Variants in HHIP observed in about 807,000 individuals in gnomAD.
HHIP encodes hedgehog-interacting protein.
In HHIP, 12 loss-of-function variants were observed where a neutral mutation model predicts 74.0. The observed-to-expected ratio is 0.16, with a 90% CI of 0.10 to 0.26. The LOEUF is 0.26. HHIP is among the 10% of genes least tolerant of loss of function. The probability of loss-of-function intolerance (pLI) is 1.00; values close to 1 mark genes in which losing one functional copy is unlikely to be tolerated. For missense variants in HHIP, 788 were observed against 845.0 expected, an observed-to-expected ratio of 0.93 and a Z score of 0.84; for synonymous variants, 309 against 311.6, an observed-to-expected ratio of 0.99 and a Z score of 0.09.
chr4:144,699,848 A>G (rs1729927913), intron 4 of HHIP, among the ~76,000 whole-genome samples: 1 of 152,040 alleles, frequency 6.6e-6, no homozygotes, highest in East Asian at 1.9e-4. Flanking sequence ...TCTGAGACCA[A>G]TTTAGACTTT....
At chr4:144,683,053 A>G (rs1729389039) in intron 4 of HHIP, among the ~76,000 whole-genome samples, 1 of 152,238 alleles carries the variant, frequency 6.6e-6, no homozygotes, top group Non-Finnish European at 1.5e-5. Flanking sequence ...CTCTGGTTTT[A>G]TAATCTTGCC....
chr4:144,716,054 T>C (rs936017954), intron 10 of HHIP, among the ~76,000 whole-genome samples: 1 of 152,208 alleles, frequency 6.6e-6, no homozygotes, highest in Admixed American at 6.5e-5. Flanking sequence ...AATTGAAATA[T>C]GATCAGTGAG....
rs760524618 is a variant in HHIP at position 144,734,812 on chromosome 4, T to G, written c.1832T>G (p.Leu611Arg). The change falls in exon 12 of 13, where the codon CTC becomes CGC. Residue 611 changes from leucine (L) to arginine (R), a missense_variant. By Grantham distance (102) the Leu-to-Arg change is moderately radical (BLOSUM62 -2). This residue lies in a region of HHIP where 343 missense variants were observed against 347.9 expected (regional missense o/e 0.99). Coordinates refer to ENST00000296575, the MANE Select transcript of HHIP (RefSeq NM_022475.3). ...AQTLTSECSR[L>R]CRNGYCTPTG... is the part of the protein sequence containing the mutation. Reference sequence around the variant, plus strand: ...ACACTGACTTCAGAGTGCTCCAGGCTCTGTCGAAACGGCTACTGCACCCCC... The same window carrying G: ...ACACTGACTTCAGAGTGCTCCAGGCGCTGTCGAAACGGCTACTGCACCCCC... 22 of 1,613,076 alleles carry G rather than the reference T, an allele frequency of 1.4e-5. No individual in the cohort carries two copies. Among genetic ancestry groups the G allele is most frequent in the Non-Finnish European group, 1.8e-5 (21 of 1,179,304 alleles).
At chr4:144,724,673 T>C (rs138015043) in intron 11 of HHIP, among the ~76,000 whole-genome samples, 191 of 94,630 alleles carry the variant, frequency 2.0e-3, no homozygotes, top group African/African-American at 5.7e-3. Context: ...TGTGTGTATA[T>C]ATATATATTT....
Position 144,652,796 on chromosome 4 carries a change from AGGT to A in HHIP, c.472_472+2del. On this transcript the variant is annotated splice_donor_variant and coding_sequence_variant, in exon 2 of 13. Transcript: ENST00000296575. LOFTEE classifies it high-confidence loss of function. Reference sequence around the variant, plus strand: ...TTTACACTTGCCGAGGCCATATTCCAGGTAAGAAAAAAAAATGCATAAGTAAAA... The same window carrying A: ...TTTACACTTGCCGAGGCCATATTCCAAAGAAAAAAAAATGCATAAGTAAAA... 6.4e-7 allele frequency: 1 copy of A among 1,562,990 alleles called. No homozygotes were observed. The highest frequency in any genetic ancestry group is 8.6e-7 in the Non-Finnish European group (1 of 1,156,306).
At chr4:144,680,535 A>G (rs1363957260) in intron 4 of HHIP, among the ~76,000 whole-genome samples, 5 of 152,148 alleles carry the variant, frequency 3.3e-5, no homozygotes, top group Admixed American at 3.3e-4. Flanking sequence ...AGAATAATCT[A>G]TTTTCTAAGA....
chr4:144,742,773 T>C lies in HHIP; in HGVS notation c.*4816T>C, dbSNP rs1429003071. Reference sequence around the variant, plus strand: ...ATATATTTGCTATCTTATCCTCTTTTTGTCACACAAACATAAATTGGTCAT... The same window carrying C: ...ATATATTTGCTATCTTATCCTCTTTCTGTCACACAAACATAAATTGGTCAT... On this transcript the variant is annotated 3_prime_UTR_variant, in exon 13 of 13. Transcript: ENST00000296575. 2 of 147,924 alleles carry C rather than the reference T, an allele frequency of 1.4e-5. No individual in the cohort carries two copies. Among genetic ancestry groups the C allele is most frequent in the African/African-American group, 4.9e-5 (2 of 40,498 alleles). The allele number at this position is 147,924 out of a possible 1,614,324, so 9.2% of individuals were successfully genotyped here. A position where few individuals can be genotyped will look rare whatever the true frequency, so the allele number is the denominator to read the frequency against.
At chr4:144,720,860 T>C (rs1470392113) in intron 11 of HHIP, among the ~76,000 whole-genome samples, 4 of 152,174 alleles carry the variant, frequency 2.6e-5, no homozygotes, top group Non-Finnish European at 4.4e-5. Context: ...CAACGTTTAT[T>C]ATCATAATAT....
At chr4:144,727,732 ATTGAG>A (rs1460211073) in intron 11 of HHIP, among the ~76,000 whole-genome samples, 29 of 152,174 alleles carry the variant, frequency 1.9e-4, no homozygotes, top group Admixed American at 1.8e-3. Context: ...AAATATATGC[ATTGAG>A]TTAAGTTGAT....
intron 4 of HHIP, among the ~76,000 whole-genome samples, chr4:144,667,599 C>T (rs774305576): frequency 5.3e-5 from 8 of 152,170 alleles, no homozygotes; most frequent in Non-Finnish European, 1.0e-4. Context: ...GGTATTGCTG[C>T]CCACCTCACT....
At chr4:144,699,724 G>A (rs1370690789) in intron 4 of HHIP, among the ~76,000 whole-genome samples, 1 of 151,962 alleles carries the variant, frequency 6.6e-6, no homozygotes, top group East Asian at 1.9e-4. Flanking sequence ...TAGAGGCTTT[G>A]TGCCAAGAAC....
At chr4:144,682,401 T>C (rs975986777) in intron 4 of HHIP, among the ~76,000 whole-genome samples, 3 of 152,236 alleles carry the variant, frequency 2.0e-5, no homozygotes, top group African/African-American at 7.2e-5. Flanking sequence ...GACAAACCCA[T>C]TCACTCTGGG....
At chr4:144,652,128 A>G (rs1401490147) in intron 1 of HHIP, among the ~76,000 whole-genome samples, 1 of 152,116 alleles carries the variant, frequency 6.6e-6, no homozygotes, top group Non-Finnish European at 1.5e-5. Flanking sequence ...ATGTAACCCA[A>G]GTATATTTTT....
At chr4:144,664,075 G>A (rs992934439) in intron 4 of HHIP, among the ~76,000 whole-genome samples, 13 of 152,340 alleles carry the variant, frequency 8.5e-5, no homozygotes, top group Admixed American at 2.6e-4. Flanking sequence ...AGCAGCCCTC[G>A]GCTAGCAGCA....
chr4:144,667,082 G>T (rs926472288), intron 4 of HHIP, among the ~76,000 whole-genome samples: 2 of 152,144 alleles, frequency 1.3e-5, no homozygotes, highest in African/African-American at 4.8e-5. Flanking sequence ...GAATTTTGGT[G>T]GCTCACTTCC....
intron 8 of HHIP, among the ~76,000 whole-genome samples, chr4:144,712,953 GAA>G (rs560590780): frequency 1.4e-4 from 16 of 112,784 alleles, no homozygotes; most frequent in Non-Finnish European, 2.5e-4. Flanking sequence ...ATGTGATTTG[GAA>G]AAAAAAAAAA....
At chr4:144,695,155 A>AT (rs35322372) in intron 4 of HHIP, among the ~76,000 whole-genome samples, 2 of 151,052 alleles carry the variant, frequency 1.3e-5, no homozygotes, top group South Asian at 2.1e-4. Flanking sequence ...TGTCAGTTTA[A>AT]TTTTTTTTTA....
intron 3 of HHIP, 80 bp downstream of exon 3, chr4:144,659,026 GTCTGTGCTTATGT>G: frequency 8.5e-7 from 1 of 1,173,284 alleles, no homozygotes; most frequent in African/African-American, 1.5e-5. Context: ...TGAATCAACT[GTCTGTGCTTATGT>G]TCAGCAGCTA....
intron 4 of HHIP, among the ~76,000 whole-genome samples, chr4:144,677,348 A>AT (rs1265275674): frequency 1.3e-5 from 2 of 152,152 alleles, no homozygotes; most frequent in Non-Finnish European, 2.9e-5. Context: ...TGTTGGCTTC[A>AT]TTTTTTCGCA....
Sources: gnomAD v4.1 joint callset for allele counts (sites outside exome capture counted in the v4.1 genomes callset) on GRCh38, gnomAD v4.1.1 for gene constraint, gnomAD v4.1.1 regional missense constraint, MANE v1.5 for transcripts, NCBI Gene and HGNC (gene_info 2026-07-23, HGNC 2026-07-21) for gene names.